Variants in SLC35F3 observed in about 807,000 individuals in gnomAD.
SLC35F3 encodes putative thiamine transporter SLC35F3.
In SLC35F3, 25 loss-of-function variants were observed where a neutral mutation model predicts 49.9. The observed-to-expected ratio is 0.50, with a 90% confidence interval of 0.37 to 0.70. SLC35F3 has a LOEUF of 0.70. Ranked by LOEUF, SLC35F3 falls within the 30% of genes least tolerant of loss-of-function variation. SLC35F3 has a pLI of 0.00. For missense variants in SLC35F3, 525 were observed against 639.8 expected, an observed-to-expected ratio of 0.82 and a Z score of 1.94; for synonymous variants, 275 against 265.4, an observed-to-expected ratio of 1.04 and a Z score of -0.35.
At chr1:234,274,238 T>A (rs1345441952) in intron 3 of SLC35F3, 1 of 152,198 alleles carries the variant, frequency 6.6e-6, no homozygotes, top group African/African-American at 2.4e-5. Flanking sequence ...TCTTCTCCAT[T>A]TCACCAACAC....
intron 2 of SLC35F3, among the ~76,000 whole-genome samples, chr1:234,166,765 G>A (rs937740552): frequency 6.6e-6 from 1 of 152,206 alleles, no homozygotes; most frequent in African/African-American, 2.4e-5. Context: ...AACCATTCTG[G>A]ATGCAGTAAG....
chr1:234,318,639 GT>G, intron 5 of SLC35F3, 111 bp from the exon 6 acceptor site: 1 of 874,868 alleles, frequency 1.1e-6, no homozygotes, highest in Non-Finnish European at 1.8e-6. Context: ...CTGGAATCTG[GT>G]TTCCATCCTG....
Position 234,324,111 on chromosome 1 carries a change from A to G in SLC35F3, c.*868A>G, listed in dbSNP as rs1657698905. ...GCGTGGCCCGCGGTGTACAATACCC[A>G]TATAAGGTACATTGTGCAGGAGGGG... On this transcript the variant is annotated 3_prime_UTR_variant, in exon 8 of 8. Coordinates refer to ENST00000366618, the MANE Select transcript of SLC35F3 (RefSeq NM_173508.4). 1.3e-5 allele frequency: 2 copies of G among 152,244 alleles called. No homozygotes were observed. Among genetic ancestry groups the G allele is most frequent in the African/African-American group, 4.8e-5 (2 of 41,452 alleles). 9.4% of individuals were successfully genotyped at this position (152,244 alleles called of 1,614,324 possible).
chr1:233,979,167 A>T (rs1663140148), intron 2 of SLC35F3, among the ~76,000 whole-genome samples: 1 of 152,216 alleles, frequency 6.6e-6, no homozygotes, highest in Non-Finnish European at 1.5e-5. Flanking sequence ...AGAAGACTTG[A>T]ATTTCAATTC....
In SLC35F3 at chr1:234,309,146, G is replaced by GT; in HGVS notation, c.660dup (p.Thr221TyrfsTer74). On this transcript the variant is annotated frameshift_variant, in exon 4 of 8. Coordinates refer to ENST00000366618, the MANE Select transcript of SLC35F3 (RefSeq NM_173508.4). LOFTEE classifies it high-confidence loss of function. ...GAGACAATGGCTTGACTTTGAAGGTGTTTTTTACCAAGGCAGCACCCTTTG... is the reference window on the plus strand; with the variant it reads ...GAGACAATGGCTTGACTTTGAAGGTGTTTTTTTACCAAGGCAGCACCCTTTG... 6 of 1,614,154 alleles carry GT rather than the reference G, an allele frequency of 3.7e-6. No homozygotes were observed. The highest frequency in any genetic ancestry group is 5.1e-6 in the Non-Finnish European group (6 of 1,180,036).
chr1:233,931,157 A>C (rs1010114642), intron 2 of SLC35F3, among the ~76,000 whole-genome samples: 1 of 152,236 alleles, frequency 6.6e-6, no homozygotes, highest in South Asian at 2.1e-4. Context: ...TAAAGACTTA[A>C]GCATAAGACC....
At position 234,291,996 on chromosome 1, in the gene SLC35F3, G is replaced by A. The variant is rs554786791; in HGVS notation, c.609-17105G>A. On this transcript the variant is annotated intron_variant, in intron 3 of 7. Coordinates refer to ENST00000366618, the MANE Select transcript of SLC35F3 (RefSeq NM_173508.4). ...AGATCCCTGACTGTCTTAGCTCCAGGGAAACCATAGCTCACCACGCCTGGA... is the reference window on the plus strand; with the variant it reads ...AGATCCCTGACTGTCTTAGCTCCAGAGAAACCATAGCTCACCACGCCTGGA... Among the ~76,000 whole-genome samples the A allele has an allele frequency of 1.1e-3, 170 of 152,280 alleles. 1 individual carries two copies. The highest frequency in any genetic ancestry group is 4.0e-3 in the African/African-American group (166 of 41,548).
chr1:234,232,542 A>AAAAG (rs2102951756), intron 3 of SLC35F3, among the ~76,000 whole-genome samples: 2 of 136,480 alleles, frequency 1.5e-5, no homozygotes, highest in East Asian at 4.0e-4. Flanking sequence ...AAAAAAAAAG[A>AAAAG]AAAAGAAAAA....
At chr1:234,274,680 G>C (rs548108705) in intron 3 of SLC35F3, among the ~76,000 whole-genome samples, 40 of 152,316 alleles carry the variant, frequency 2.6e-4, no homozygotes, top group South Asian at 4.1e-4. Context: ...TCCAAGCCAA[G>C]GCGATTGTGA....
chr1:234,037,654 C>T (rs765136516), intron 2 of SLC35F3, among the ~76,000 whole-genome samples: 15 of 152,200 alleles, frequency 9.9e-5, no homozygotes, highest in Non-Finnish European at 1.6e-4. Flanking sequence ...GGTAGCCATG[C>T]GAGAGCATGC....
At chr1:234,124,611 A>G (rs1665620921) in intron 2 of SLC35F3, among the ~76,000 whole-genome samples, 1 of 152,230 alleles carries the variant, frequency 6.6e-6, no homozygotes. Context: ...TCATGCCTGT[A>G]ATCCCAGTGC....
intron 2 of SLC35F3, among the ~76,000 whole-genome samples, chr1:234,142,437 A>C (rs920646728): frequency 2.6e-5 from 4 of 152,154 alleles, no homozygotes; most frequent in Non-Finnish European, 5.9e-5. Flanking sequence ...CGTTTTGTCC[A>C]CTGCGGTGGA....
At chr1:234,151,250 A>C (rs1264598642) in intron 2 of SLC35F3, among the ~76,000 whole-genome samples, 1 of 143,982 alleles carries the variant, frequency 6.9e-6, no homozygotes, top group East Asian at 3.4e-4. Flanking sequence ...CATTTACATA[A>C]ACTATCAGAA....
chr1:234,263,524 G>T (rs964898837), intron 3 of SLC35F3, among the ~76,000 whole-genome samples: 5 of 152,112 alleles, frequency 3.3e-5, no homozygotes, highest in African/African-American at 9.7e-5. Flanking sequence ...AGGCTGGGAG[G>T]TTCTCAAAAT....
chr1:233,950,082 C>T (rs1662578177), intron 2 of SLC35F3, among the ~76,000 whole-genome samples: 1 of 152,034 alleles, frequency 6.6e-6, no homozygotes, highest in Non-Finnish European at 1.5e-5. Flanking sequence ...CTTCTATTTC[C>T]ATTGTATTGA....
At chr1:234,068,737 C>T (rs567089633) in intron 2 of SLC35F3, among the ~76,000 whole-genome samples, 47 of 146,162 alleles carry the variant, frequency 3.2e-4, no homozygotes, top group Non-Finnish European at 5.9e-4. Context: ...CCTTGCAGAC[C>T]GCTGTAAATG....
chr1:234,229,719 C>G (rs1667337829), intron 2 of SLC35F3, among the ~76,000 whole-genome samples: 1 of 152,200 alleles, frequency 6.6e-6, no homozygotes, highest in African/African-American at 2.4e-5. Context: ...ACAAACCCCT[C>G]TAACCTCCAA....
intron 2 of SLC35F3, among the ~76,000 whole-genome samples, chr1:234,078,873 AT>A (rs1178964695): frequency 6.6e-6 from 1 of 152,198 alleles, no homozygotes; most frequent in African/African-American, 2.4e-5. Flanking sequence ...CTCTGTTTTT[AT>A]TTAAATGTTC....
At chr1:233,965,661 A>G (rs1475292299) in intron 2 of SLC35F3, among the ~76,000 whole-genome samples, 5 of 152,124 alleles carry the variant, frequency 3.3e-5, no homozygotes, top group Admixed American at 2.0e-4. Flanking sequence ...GCTGCCAATA[A>G]CTGGAGTGAG....
Sources: gnomAD v4.1 joint callset for allele counts (sites outside exome capture counted in the v4.1 genomes callset) on GRCh38, gnomAD v4.1.1 for gene constraint, MANE v1.5 for transcripts, NCBI Gene and HGNC (gene_info 2026-07-23, HGNC 2026-07-21) for gene names.